The following CTNNA3 variants were observed in gnomAD, a reference collection of about 807,000 sequenced individuals.
CTNNA3 encodes the protein catenin alpha-3.
Under a neutral mutation model 95.7 loss-of-function variants are expected in CTNNA3, and 76 were observed. The observed-to-expected ratio is 0.79, with a 90% CI of 0.66 to 0.96. The LOEUF (loss-of-function observed/expected upper bound fraction) is 0.96. Ranked by LOEUF, CTNNA3 falls within the 40% of genes least tolerant of loss-of-function variation. CTNNA3 has a pLI of 0.00. For synonymous variants in CTNNA3, 431 were observed against 374.4 expected, an observed-to-expected ratio of 1.15 and a Z score of -1.74; for missense variants, 1,191 against 1,089.8, an observed-to-expected ratio of 1.09 and a Z score of -1.31.
intron 7 of CTNNA3, among the ~76,000 whole-genome samples, chr10:66,923,868 A>C (rs893948711): frequency 3.9e-5 from 6 of 152,188 alleles, no homozygotes; most frequent in African/African-American, 1.4e-4. Flanking sequence ...TGATATAAAA[A>C]CATATTTTTT....
At chr10:67,221,047 A>G (rs1469894418) in intron 5 of CTNNA3, among the ~76,000 whole-genome samples, 1 of 152,194 alleles carries the variant, frequency 6.6e-6, no homozygotes, top group Admixed American at 6.5e-5. Context: ...AGAACAGAGA[A>G]GATTGGGGAG....
chr10:67,642,421 GA>G (rs372239473), intron 2 of CTNNA3, among the ~76,000 whole-genome samples: 38 of 152,152 alleles, frequency 2.5e-4, no homozygotes, highest in African/African-American at 8.7e-4. Context: ...CAATAAACAT[GA>G]AAAAAAGTTT....
intron 7 of CTNNA3, among the ~76,000 whole-genome samples, chr10:67,079,411 A>C (rs1158218113): frequency 1.3e-5 from 2 of 152,232 alleles, no homozygotes; most frequent in African/African-American, 2.4e-5. Context: ...AGCAATCTAC[A>C]TAAAACATTT....
rs1217061220 is a variant in CTNNA3, at chr10:67,230,446, C to G, written c.580-10576G>C. On this transcript the variant is annotated intron_variant, in intron 5 of 17. Transcript: ENST00000433211. Reference sequence around the variant, plus strand: ...CAAATACAAAGATAAACAGTTGGGACTTAATTAAACTAAAGAGCTTTTGCA... The same window carrying G: ...CAAATACAAAGATAAACAGTTGGGAGTTAATTAAACTAAAGAGCTTTTGCA... 2.6e-5 allele frequency among the ~76,000 whole-genome samples: 4 copies of G among 151,986 alleles called. No individual in the cohort carries two copies. The East Asian group carries it at 7.7e-4, about 29-fold the overall frequency.
chr10:66,973,715 C>T (rs2132840653), intron 7 of CTNNA3, among the ~76,000 whole-genome samples: 1 of 152,170 alleles, frequency 6.6e-6, no homozygotes, highest in South Asian at 2.1e-4. Flanking sequence ...CCTCCATCTC[C>T]CAGGTTCAAG....
intron 5 of CTNNA3, among the ~76,000 whole-genome samples, chr10:67,362,955 C>A (rs1167037564): frequency 6.6e-6 from 1 of 151,972 alleles, no homozygotes; most frequent in African/African-American, 2.4e-5. Flanking sequence ...CATTTCTATA[C>A]ACCAATAACA....
chr10:66,833,007 T>C (rs1564711759), intron 7 of CTNNA3, among the ~76,000 whole-genome samples: 1 of 152,310 alleles, frequency 6.6e-6, no homozygotes, highest in East Asian at 1.9e-4. Context: ...TTCACCCCCT[T>C]CCTGAATTTG....
chr10:66,893,960 T>C (rs923342807), intron 7 of CTNNA3, among the ~76,000 whole-genome samples: 4 of 152,130 alleles, frequency 2.6e-5, no homozygotes, highest in Non-Finnish European at 5.9e-5. Flanking sequence ...AGGTGTTTAA[T>C]ATATGTATTT....
At chr10:66,022,403 A>C (rs2079237397) in intron 15 of CTNNA3, among the ~76,000 whole-genome samples, 1 of 152,210 alleles carries the variant, frequency 6.6e-6, no homozygotes, top group African/African-American at 2.4e-5. Flanking sequence ...CTTTGATGAA[A>C]GGCAATTCCA....
At chr10:66,512,641 T>C (rs1242968624) in intron 11 of CTNNA3, among the ~76,000 whole-genome samples, 3 of 152,154 alleles carry the variant, frequency 2.0e-5, no homozygotes, top group Non-Finnish European at 2.9e-5. Context: ...TAACATCCTT[T>C]CGCTTTCAGA....
chr10:67,367,775 T>C (rs1843270851), intron 5 of CTNNA3, among the ~76,000 whole-genome samples: 1 of 152,160 alleles, frequency 6.6e-6, no homozygotes. Flanking sequence ...TGGAAGCCAA[T>C]ATCCTAAGTG....
chr10:66,124,764 C>G (rs1020540390), intron 13 of CTNNA3, among the ~76,000 whole-genome samples: 3 of 152,168 alleles, frequency 2.0e-5, no homozygotes, highest in Admixed American at 6.5e-5. Flanking sequence ...AGGGAAACTC[C>G]TCTTTTTAAA....
chr10:66,600,661 A>C (rs528847573), intron 10 of CTNNA3, among the ~76,000 whole-genome samples: 1 of 151,946 alleles, frequency 6.6e-6, no homozygotes, highest in South Asian at 2.1e-4. Context: ...TTGGTATCAA[A>C]TCTTACCAAG....
intron 6 of CTNNA3, among the ~76,000 whole-genome samples, chr10:67,193,635 T>C (rs145717598): frequency 0.023 from 3,551 of 152,142 alleles, 116 homozygotes; most frequent in African/African-American, 0.074. Flanking sequence ...AATAATGGCC[T>C]CCAGCTCCAT....
chr10:67,730,506 TA>T (rs1286390169), intron 1 of CTNNA3, among the ~76,000 whole-genome samples: 7 of 152,052 alleles, frequency 4.6e-5, no homozygotes, highest in African/African-American at 1.7e-4. Context: ...TTCTCTAAAC[TA>T]AGAAAGTAAA....
intron 13 of CTNNA3, among the ~76,000 whole-genome samples, chr10:66,136,877 A>T (rs2083384785): frequency 6.6e-6 from 1 of 152,066 alleles, no homozygotes; most frequent in African/African-American, 2.4e-5. Context: ...GCTGAAGGGC[A>T]GTGGCATGAT....
intron 7 of CTNNA3, chr10:66,928,585 T>A (rs1847205201): frequency 1.3e-6 from 1 of 772,382 alleles, no homozygotes; most frequent in African/African-American, 1.8e-5. Flanking sequence ...GCTGGCAAGA[T>A]CCTTCCTTGT....
chr10:66,505,888 T>C (rs1840432296), intron 11 of CTNNA3, among the ~76,000 whole-genome samples: 1 of 152,172 alleles, frequency 6.6e-6, no homozygotes, highest in Non-Finnish European at 1.5e-5. Flanking sequence ...CTTACTGTCT[T>C]AGCCTGTTTG....
At chr10:66,131,876 C>T (rs2083121744) in intron 13 of CTNNA3, among the ~76,000 whole-genome samples, 1 of 152,158 alleles carries the variant, frequency 6.6e-6, no homozygotes, top group Non-Finnish European at 1.5e-5. Flanking sequence ...TGGACCCCTT[C>T]CTTACACAGT....
Sources: gnomAD v4.1 joint callset for allele counts (sites outside exome capture counted in the v4.1 genomes callset) on GRCh38, gnomAD v4.1.1 for gene constraint, MANE v1.5 for transcripts, NCBI Gene and HGNC (gene_info 2026-07-23, HGNC 2026-07-21) for gene names.